The following PHF21B variants were observed in gnomAD, a reference collection of about 807,000 sequenced individuals.
PHF21B encodes PHD finger protein 21B.
Under a neutral mutation model 62.2 loss-of-function variants are expected in PHF21B, and 22 were observed. That is an observed-to-expected ratio of 0.35 (90% CI 0.25 to 0.51). PHF21B has a LOEUF of 0.51. Ranked by LOEUF, PHF21B falls within the 20% of genes least tolerant of loss-of-function variation. The pLI, the probability that PHF21B is intolerant of heterozygous loss-of-function variation, is 0.97. For missense variants in PHF21B, 701 were observed against 707.9 expected, an observed-to-expected ratio of 0.99 and a Z score of 0.11; for synonymous variants, 341 against 314.7, an observed-to-expected ratio of 1.08 and a Z score of -0.88.
At chr22:44,948,087 G>C (rs771196018) in intron 2 of PHF21B, among the ~76,000 whole-genome samples, 2 of 143,608 alleles carry the variant, frequency 1.4e-5, no homozygotes, top group Non-Finnish European at 3.1e-5. Flanking sequence ...CAACCTTTTT[G>C]GCACAGAGAC....
At chr22:44,898,965 T>C (rs1031528196) in intron 5 of PHF21B, among the ~76,000 whole-genome samples, 4 of 152,196 alleles carry the variant, frequency 2.6e-5, no homozygotes, top group Admixed American at 1.3e-4. Context: ...TTTGGGTCTA[T>C]TTCTGGGCCT....
intron 2 of PHF21B, among the ~76,000 whole-genome samples, chr22:44,978,146 G>A (rs2072772986): frequency 6.6e-6 from 1 of 151,982 alleles, no homozygotes; most frequent in African/African-American, 2.4e-5. Context: ...TTTCTCTATG[G>A]GAAATACCTA....
At chr22:44,998,314 G>A (rs1006917011) in intron 2 of PHF21B, among the ~76,000 whole-genome samples, 3 of 152,180 alleles carry the variant, frequency 2.0e-5, no homozygotes, top group Non-Finnish European at 4.4e-5. Flanking sequence ...TCACACACAG[G>A]CTGCCCTCTG....
In PHF21B at chr22:45,006,191, C is replaced by G. The variant is rs573639073; in HGVS notation, c.120+2354G>C. Among the ~76,000 whole-genome samples the G allele has an allele frequency of 6.6e-5, 10 of 152,298 alleles. No individual in the cohort carries two copies. In the South Asian group the frequency reaches 2.1e-3, roughly 32 times the overall value. ...CCCCTCCCCTCCCTCTTTTATGAGC[C>G]CTTGTTATATAAAATGCCACAAAGG... On this transcript the variant is annotated intron_variant, in intron 2 of 12. Coordinates refer to ENST00000313237, the MANE Select transcript of PHF21B (RefSeq NM_138415.5).
chr22:45,006,857 T>A (rs1281593137), intron 2 of PHF21B, among the ~76,000 whole-genome samples: 1 of 150,814 alleles, frequency 6.6e-6, no homozygotes, highest in East Asian at 1.9e-4. Context: ...GTGGCAGATT[T>A]TTTTTTTTTT....
chr22:44,926,339 G>T (rs1426439089), intron 2 of PHF21B, among the ~76,000 whole-genome samples: 1 of 152,250 alleles, frequency 6.6e-6, no homozygotes, highest in South Asian at 2.1e-4. Flanking sequence ...AGGCCGTGGG[G>T]CCCCGGGGAG....
At chr22:44,947,032 G>A (rs903432651) in intron 2 of PHF21B, among the ~76,000 whole-genome samples, 7 of 152,082 alleles carry the variant, frequency 4.6e-5, no homozygotes, top group African/African-American at 1.5e-4. Context: ...GCCACCAGGA[G>A]GTCCTGTTAT....
chr22:44,980,769 C>T (rs1247672430), intron 2 of PHF21B, among the ~76,000 whole-genome samples: 1 of 152,140 alleles, frequency 6.6e-6, no homozygotes, highest in African/African-American at 2.4e-5. Context: ...AAAACAAGGC[C>T]AGGGTCCTCT....
rs117159982 is a variant in PHF21B at position 44,996,810 on chromosome 22, G to A, written c.120+11735C>T. ...CACACACACATGCATACATGCAGAC[G>A]CACATAAGCATACACAGAGGTGGGC... On this transcript the variant is annotated intron_variant, in intron 2 of 12. Transcript: ENST00000313237. 4.1e-3 allele frequency among the ~76,000 whole-genome samples: 622 copies of A among 151,752 alleles called. 11 individuals carry two copies. The East Asian group carries it at 0.042, about 10-fold the overall frequency.
At chr22:44,893,580 G>C in intron 6 of PHF21B, 47 bp from the exon 7 acceptor site, 2 of 1,546,876 alleles carry the variant, frequency 1.3e-6, no homozygotes, top group Non-Finnish European at 1.8e-6. Flanking sequence ...CCTGCCCTGG[G>C]AACCCCAAAT....
At chr22:44,975,059 G>A (rs1012881923) in intron 2 of PHF21B, among the ~76,000 whole-genome samples, 40 of 152,092 alleles carry the variant, frequency 2.6e-4, no homozygotes, top group African/African-American at 9.4e-4. Flanking sequence ...TGTCCTGGAC[G>A]CTGACCCCAC....
chr22:44,955,880 G>A (rs1003175047), intron 2 of PHF21B, among the ~76,000 whole-genome samples: 1 of 152,148 alleles, frequency 6.6e-6, no homozygotes, highest in African/African-American at 2.4e-5. Flanking sequence ...GAATTGAGTC[G>A]GGCCATGGTC....
rs553998972 is a variant in PHF21B, at chr22:44,911,753, G to T, written c.831+2069C>A. On this transcript the variant is annotated intron_variant, in intron 5 of 12. Transcript: ENST00000313237. ...CTAGGGCAGTGCAGAAGGGAAATGT[G>T]CAGTTGGAGCCCCTACACGGAGTCT... Among the ~76,000 whole-genome samples, 11 of 152,358 alleles carry T rather than the reference G, an allele frequency of 7.2e-5. No homozygotes were observed. In the East Asian group the frequency reaches 2.1e-3, roughly 29 times the overall value.
chr22:44,940,592 G>A (rs2071936628), intron 2 of PHF21B, among the ~76,000 whole-genome samples: 1 of 152,246 alleles, frequency 6.6e-6, no homozygotes, highest in Non-Finnish European at 1.5e-5. Context: ...AAACAGTGCT[G>A]GGTGGGGAAG....
intron 9 of PHF21B, among the ~76,000 whole-genome samples, chr22:44,889,259 T>C (rs975560666): frequency 9.2e-6 from 1 of 109,080 alleles, no homozygotes; most frequent in Non-Finnish European, 1.8e-5. Context: ...ATCAGGGATG[T>C]GGTGTGTGCA....
intron 2 of PHF21B, among the ~76,000 whole-genome samples, chr22:44,968,425 C>T (rs2072572202): frequency 6.6e-6 from 1 of 152,092 alleles, no homozygotes; most frequent in Admixed American, 6.5e-5. Context: ...GGGCAGATCA[C>T]TTGAGGTCAG....
At chr22:44,885,791 G>A in intron 11 of PHF21B, 72 bp downstream of exon 11, 1 of 1,479,762 alleles carries the variant, frequency 6.8e-7, no homozygotes, top group South Asian at 1.2e-5. Flanking sequence ...CACAGGACCA[G>A]GTGAGCCCAG....
At chr22:44,907,404 C>T (rs1055920975) in intron 5 of PHF21B, among the ~76,000 whole-genome samples, 1 of 152,198 alleles carries the variant, frequency 6.6e-6, no homozygotes, top group Non-Finnish European at 1.5e-5. Flanking sequence ...GGACACGATC[C>T]CACCTCTGTG....
At chr22:45,007,714 AGGGGCGGGTGTGCGAGTGCGGGGAG>A (rs2073349294) in intron 2 of PHF21B, among the ~76,000 whole-genome samples, 3 of 10,752 alleles carry the variant, frequency 2.8e-4, no homozygotes, top group Admixed American at 1.7e-3. Context: ...AGCGCGGGGA[AGGGGCGGGTGTGCGAGTGCGGGGAG>A]GGGGCGCGGC....
Sources: allele counts gnomAD v4.1 joint callset (sites outside exome capture counted in the v4.1 genomes callset), GRCh38; gene constraint gnomAD v4.1.1; transcripts MANE v1.5; gene names NCBI Gene and HGNC (gene_info 2026-07-23, HGNC 2026-07-21).